VWA8: variants seen among roughly 807,000 people sequenced by gnomAD.
The protein encoded by VWA8 is von Willebrand factor A domain containing 8.
VWA8 carries 221 observed loss-of-function variants against 241.5 expected under a neutral mutation model. That is an observed-to-expected ratio of 0.91 (90% CI 0.82 to 1.02). VWA8 has a LOEUF of 1.02. Among genes scored for constraint, VWA8 ranks in the 50% least tolerant of loss-of-function variants. The pLI, the probability that VWA8 is intolerant of heterozygous loss-of-function variation, is 0.00. For synonymous variants in VWA8, 852 were observed against 827.1 expected, an observed-to-expected ratio of 1.03 and a Z score of -0.52; for missense variants, 2,322 against 2,328.7, an observed-to-expected ratio of 1.00 and a Z score of 0.06.
At chr13:41,799,185 T>C (rs1246798111) in intron 17 of VWA8, among the ~76,000 whole-genome samples, 2 of 152,192 alleles carry the variant, frequency 1.3e-5, no homozygotes, top group Admixed American at 6.5e-5. Flanking sequence ...TATGGTTTTT[T>C]CCCCCTAGAT....
At position 41,959,606 on chromosome 13, in the gene VWA8, C is replaced by T. The variant is rs1487392641; in HGVS notation, c.163+1247G>A. On this transcript the variant is annotated intron_variant, in intron 1 of 44. Transcript: ENST00000379310. The stretch of plus-strand genomic sequence containing the variant: ...ACGAAATACGTGGGACCTAAATATG[C>T]TTTTTTTTTTTTTTTTTTTGAGATG... Among the ~76,000 whole-genome samples the T allele has an allele frequency of 7.2e-4, 57 of 79,622 alleles. 2 individuals are homozygous for T. Among genetic ancestry groups the T allele is most frequent in the Admixed American group, 1.8e-3 (9 of 4,964 alleles). The allele number at this position is 79,622 out of a possible 152,430, so 52.2% of individuals were successfully genotyped here. A position where few individuals can be genotyped will look rare whatever the true frequency, so the allele number is the denominator to read the frequency against.
At chr13:41,912,304 T>A in intron 2 of VWA8, 136 bp from the exon 3 acceptor site, 1 of 627,614 alleles carries the variant, frequency 1.6e-6, no homozygotes, top group Non-Finnish European at 2.2e-6. Context: ...TATAAACATA[T>A]GTATATAAAT....
At chr13:41,800,548 G>T (rs910403855) in intron 17 of VWA8, among the ~76,000 whole-genome samples, 1 of 151,972 alleles carries the variant, frequency 6.6e-6, no homozygotes, top group Non-Finnish European at 1.5e-5. Flanking sequence ...TAGCACTTTG[G>T]GAGGCTGAGG....
intron 38 of VWA8, among the ~76,000 whole-genome samples, chr13:41,613,159 A>G (rs1212098215): frequency 6.6e-6 from 1 of 152,192 alleles, no homozygotes; most frequent in Non-Finnish European, 1.5e-5. Context: ...TAACTGGTCT[A>G]ACAAAACTAA....
intron 2 of VWA8, among the ~76,000 whole-genome samples, chr13:41,917,553 C>A (rs1367763604): frequency 6.6e-6 from 1 of 152,148 alleles, no homozygotes; most frequent in Non-Finnish European, 1.5e-5. Context: ...AGGTAAAGCA[C>A]CATGCCCAGT....
intron 26 of VWA8, among the ~76,000 whole-genome samples, chr13:41,718,144 T>C (rs545726990): frequency 6.6e-6 from 1 of 152,102 alleles, no homozygotes; most frequent in South Asian, 2.1e-4. Flanking sequence ...AAAGAAATTG[T>C]TTTAAAATCA....
chr13:41,831,945 T>G lies in VWA8; in HGVS notation c.1587-1303A>C, dbSNP rs144402679. On this transcript the variant is annotated intron_variant, in intron 13 of 44. Transcript: ENST00000379310. ...CGCATCAGCATTTTTTTTTTCTTTT[T>G]TTTTGAGACAGAGTCTCGCTCTGTC... 7.0e-3 allele frequency among the ~76,000 whole-genome samples: 1,037 copies of G among 149,034 alleles called. 7 individuals are homozygous for G. The highest frequency in any genetic ancestry group is 0.024 in the African/African-American group (984 of 40,302).
intron 15 of VWA8, among the ~76,000 whole-genome samples, chr13:41,817,615 G>T (rs746289772): frequency 2.0e-5 from 3 of 152,132 alleles, no homozygotes; most frequent in African/African-American, 7.2e-5. Context: ...ATCCTATGAT[G>T]TAATAAATAG....
intron 2 of VWA8, chr13:41,927,383 C>A (rs1469858530): frequency 3.0e-5 from 15 of 500,242 alleles, no homozygotes; most frequent in Non-Finnish European, 5.7e-5. Flanking sequence ...ATAAGTCAAG[C>A]ATCTTTGCAC....
At chr13:41,734,231 A>T (rs2045507619) in intron 21 of VWA8, among the ~76,000 whole-genome samples, 1 of 152,110 alleles carries the variant, frequency 6.6e-6, no homozygotes, top group Admixed American at 6.5e-5. Context: ...CCAGCTACTC[A>T]GGAGGCTGAG....
At chr13:41,640,758 T>G (rs544111408) in intron 37 of VWA8, among the ~76,000 whole-genome samples, 1 of 152,338 alleles carries the variant, frequency 6.6e-6, no homozygotes, top group South Asian at 2.1e-4. Flanking sequence ...AGTCTGAAAT[T>G]TTTTACAGAT....
chr13:41,648,346 T>G (rs2044846169), intron 37 of VWA8, among the ~76,000 whole-genome samples: 1 of 152,236 alleles, frequency 6.6e-6, no homozygotes, highest in Non-Finnish European at 1.5e-5. Context: ...ATCCAAGCCC[T>G]CTTTCCTCAT....
At chr13:41,728,372 T>G (rs2045454124) in intron 23 of VWA8, among the ~76,000 whole-genome samples, 1 of 151,794 alleles carries the variant, frequency 6.6e-6, no homozygotes, top group Non-Finnish European at 1.5e-5. Context: ...ACCCTACAAG[T>G]GATGGTTCAT....
chr13:41,852,267 G>C (rs2138030999), intron 12 of VWA8, among the ~76,000 whole-genome samples: 1 of 152,200 alleles, frequency 6.6e-6, no homozygotes, highest in East Asian at 1.9e-4. Context: ...GTCTATTCAG[G>C]TTCTTTGCCC....
chr13:41,881,944 G>A lies in VWA8; in HGVS notation c.1080+1443C>T, dbSNP rs576974946. 2.6e-4 allele frequency among the ~76,000 whole-genome samples: 38 copies of A among 148,646 alleles called. No homozygotes were observed. The South Asian group carries it at 4.7e-3, about 18-fold the overall frequency. ...CTCCCGGACGGGGTGGCTGCTGGGCGGAGACGCTCCTCACTTCCCAGACAG... is the reference window on the plus strand; with the variant it reads ...CTCCCGGACGGGGTGGCTGCTGGGCAGAGACGCTCCTCACTTCCCAGACAG... On this transcript the variant is annotated intron_variant, in intron 9 of 44. Transcript: ENST00000379310.
chr13:41,690,963 CA>C (rs1384819879), intron 32 of VWA8, among the ~76,000 whole-genome samples: 8 of 152,142 alleles, frequency 5.3e-5, no homozygotes, highest in Non-Finnish European at 1.0e-4. Context: ...AAAGAGGCAA[CA>C]GCTCTAGGAT....
At chr13:41,849,651 G>A (rs1430345716) in intron 12 of VWA8, among the ~76,000 whole-genome samples, 1 of 152,208 alleles carries the variant, frequency 6.6e-6, no homozygotes, top group Non-Finnish European at 1.5e-5. Flanking sequence ...CACTTTGGGA[G>A]GCCGAGGCCG....
intron 2 of VWA8, among the ~76,000 whole-genome samples, chr13:41,921,803 G>T (rs1253302464): frequency 2.0e-5 from 3 of 152,166 alleles, no homozygotes; most frequent in Non-Finnish European, 4.4e-5. Context: ...ACAAATGGAA[G>T]AACATTCCAT....
At chr13:41,574,864 A>T (rs2139635019) in intron 43 of VWA8, among the ~76,000 whole-genome samples, 1 of 152,302 alleles carries the variant, frequency 6.6e-6, no homozygotes, top group East Asian at 1.9e-4. Context: ...TCCTTAAAGA[A>T]CTAAAGTAGG....
Sources: allele counts gnomAD v4.1 joint callset (sites outside exome capture counted in the v4.1 genomes callset), GRCh38; gene constraint gnomAD v4.1.1; transcripts MANE v1.5; gene names NCBI Gene and HGNC (gene_info 2026-07-23, HGNC 2026-07-21).